Variants in PRDM16 observed in about 807,000 individuals in gnomAD.
The protein encoded by PRDM16 is PR/SET domain 16, also known as histone-lysine N-methyltransferase PRDM16.
A neutral mutation model predicts 110.6 loss-of-function variants in PRDM16; 23 were observed. That is an observed-to-expected ratio of 0.21 (90% CI 0.15 to 0.29). The LOEUF is 0.29. PRDM16 is among the 10% of genes least tolerant of loss of function. The pLI is 1.00. For missense variants in PRDM16, 1,615 were observed against 1,794.3 expected (o/e 0.90, Z 1.81); for synonymous variants, 799 against 781.8 (o/e 1.02, Z -0.37).
chr1:3,386,971 G>A (rs140143010), intron 4 of PRDM16: 15 of 151,076 alleles, frequency 9.9e-5, no homozygotes, highest in Admixed American at 2.0e-4. Flanking sequence ...AAAAACAAAC[G>A]TGTAATCTCA....
At chr1:3,211,025 CATTT>C (rs772107393) in intron 2 of PRDM16, among the ~76,000 whole-genome samples, 12 of 152,202 alleles carry the variant, frequency 7.9e-5, no homozygotes, top group Non-Finnish European at 1.3e-4. Context: ...TTTGTTCATA[CATTT>C]ATTAGTTTAG....
At chr1:3,296,649 T>C (rs947745788) in intron 3 of PRDM16, among the ~76,000 whole-genome samples, 4 of 152,104 alleles carry the variant, frequency 2.6e-5, no homozygotes, top group African/African-American at 9.7e-5. Context: ...ATGCCAGAGG[T>C]TGCCATGGGG....
intron 3 of PRDM16, among the ~76,000 whole-genome samples, chr1:3,320,063 G>T (rs1451364938): frequency 1.3e-5 from 2 of 152,194 alleles, no homozygotes; most frequent in African/African-American, 2.4e-5. Context: ...ACCAGGTGTG[G>T]CCTCTTGAAG....
intron 3 of PRDM16, among the ~76,000 whole-genome samples, chr1:3,273,905 G>T (rs888338170): frequency 7.2e-6 from 1 of 138,616 alleles, no homozygotes; most frequent in Admixed American, 7.2e-5. Context: ...GCGTGTGCAC[G>T]TGTGGCATGT....
intron 3 of PRDM16, among the ~76,000 whole-genome samples, chr1:3,250,116 T>TC (rs1415141800): frequency 6.8e-5 from 10 of 146,460 alleles, no homozygotes; most frequent in South Asian, 2.2e-4. Context: ...CCGTCTTCTC[T>TC]CCCCCCTCCC....
At chr1:3,088,084 C>G (rs1642190823) in intron 1 of PRDM16, among the ~76,000 whole-genome samples, 1 of 152,066 alleles carries the variant, frequency 6.6e-6, no homozygotes, top group African/African-American at 2.4e-5. Context: ...AAACTTCCAA[C>G]AGGATTGTCT....
In PRDM16 at chr1:3,244,951, G is replaced by A. The variant is rs1420727062; in HGVS notation, c.438+814G>A. On this transcript the variant is annotated intron_variant, in intron 3 of 16. Transcript: ENST00000270722. The surrounding 1 kb of genome is among the most constrained non-coding windows in gnomAD (Gnocchi z 4.1). ...TGGCTGATCTCCTATTTTTTGGGGG[G>A]GGGTTTCTAGTAAAATTAAAGTAAC... 2.0e-5 allele frequency among the ~76,000 whole-genome samples: 3 copies of A among 152,184 alleles called. No homozygotes were observed. Among genetic ancestry groups the A allele is most frequent in the Non-Finnish European group, 4.4e-5 (3 of 68,042 alleles).
chr1:3,118,755 C>T (rs1381315276), intron 1 of PRDM16, among the ~76,000 whole-genome samples: 1 of 152,124 alleles, frequency 6.6e-6, no homozygotes, highest in Non-Finnish European at 1.5e-5. Flanking sequence ...TCCAGGGAGA[C>T]CCCAGCTGCT....
chr1:3,145,694 C>T lies in PRDM16; in HGVS notation c.38-40431C>T, dbSNP rs184719452. Among the ~76,000 whole-genome samples the T allele has an allele frequency of 3.4e-3, 521 of 152,348 alleles. 4 individuals are homozygous for T. Among genetic ancestry groups the T allele is most frequent in the African/African-American group, 0.01 (434 of 41,582 alleles). On this transcript the variant is annotated intron_variant, in intron 1 of 16. Coordinates refer to ENST00000270722, the MANE Select transcript of PRDM16 (RefSeq NM_022114.4). ...TTCACTCACCCGCCCCACCCGCTCCCGGTCTCTCACTTCCACCCCTGTAGA... is the reference window on the plus strand; with the variant it reads ...TTCACTCACCCGCCCCACCCGCTCCTGGTCTCTCACTTCCACCCCTGTAGA...
chr1:3,202,671 T>C (rs1448026951), intron 2 of PRDM16, among the ~76,000 whole-genome samples: 1 of 152,284 alleles, frequency 6.6e-6, no homozygotes, highest in South Asian at 2.1e-4. Flanking sequence ...TCAGTAGCTT[T>C]GTGAGGTTTT....
intron 3 of PRDM16, among the ~76,000 whole-genome samples, chr1:3,314,041 C>T (rs1641532875): frequency 6.7e-6 from 1 of 149,976 alleles, no homozygotes; most frequent in Admixed American, 6.6e-5. Flanking sequence ...AGGCATGGGA[C>T]CCTCGCCCCC....
chr1:3,309,765 G>C (rs1374555646), intron 3 of PRDM16: 1 of 152,220 alleles, frequency 6.6e-6, no homozygotes, highest in East Asian at 1.9e-4. Flanking sequence ...GGGCTGCCCT[G>C]GGCTAGGAGC....
At position 3,353,001 on chromosome 1, in the gene PRDM16, C is replaced by A. The variant is rs963108983; in HGVS notation, c.439-32151C>A. 1.3e-5 allele frequency among the ~76,000 whole-genome samples: 2 copies of A among 152,222 alleles called. No individual in the cohort carries two copies. Among genetic ancestry groups the A allele is most frequent in the Admixed American group, 6.5e-5 (1 of 15,288 alleles). On this transcript the variant is annotated intron_variant, in intron 3 of 16. Transcript: ENST00000270722. This position sits in a 1 kb window ranked among gnomAD's most constrained non-coding sequence, Gnocchi z 5.4. ...TGCGTGGCCGGAGGCAGAGGGCTTC[C>A]CGGTTGGGCTGAGGGCTGTTTCAGA... is the stretch of plus-strand genomic sequence containing the variant.
chr1:3,334,729 C>T (rs2483276), intron 3 of PRDM16, among the ~76,000 whole-genome samples: 44,484 of 152,212 alleles, frequency 0.29, 7,871 homozygotes, highest in South Asian at 0.44. Flanking sequence ...GTCCTTCTCA[C>T]GGATCTCAGC....
chr1:3,409,497 G>A lies in PRDM16; in HGVS notation c.1187-1887G>A, dbSNP rs562397513. The stretch of plus-strand genomic sequence containing the variant: ...AATAGATATCGTGATGAAAGAACAC[G>A]ATCATCTTAGGGGAAAAGCTCCCAG... On this transcript the variant is annotated intron_variant, in intron 8 of 16. Coordinates refer to ENST00000270722, the MANE Select transcript of PRDM16 (RefSeq NM_022114.4). Among the ~76,000 whole-genome samples, 3 of 152,262 alleles carry A rather than the reference G, an allele frequency of 2.0e-5. No homozygotes were observed. The East Asian group carries it at 5.8e-4, about 29-fold the overall frequency.
chr1:3,365,234 C>A (rs1642788568), intron 3 of PRDM16, among the ~76,000 whole-genome samples: 1 of 152,190 alleles, frequency 6.6e-6, no homozygotes, highest in Non-Finnish European at 1.5e-5. Flanking sequence ...CCCTGTGCCG[C>A]CGTCCTCCTC....
chr1:3,199,810 C>T (rs1218104609), intron 2 of PRDM16, among the ~76,000 whole-genome samples: 2 of 152,192 alleles, frequency 1.3e-5, no homozygotes, highest in African/African-American at 4.8e-5. Flanking sequence ...CACATGGACA[C>T]GAGCACCATG....
At position 3,116,877 on chromosome 1, in the gene PRDM16, C is replaced by T. The variant is rs147412992; in HGVS notation, c.37+47581C>T. 5.0e-3 allele frequency among the ~76,000 whole-genome samples: 764 copies of T among 152,352 alleles called. 12 individuals are homozygous for T. Among genetic ancestry groups the T allele is most frequent in the African/African-American group, 0.016 (681 of 41,586 alleles). ...TCAGGCCCTCCACAAACCCCCGTGACTGGGCACTCCTTGCAGCACAGCCTG... is the reference window on the plus strand; with the variant it reads ...TCAGGCCCTCCACAAACCCCCGTGATTGGGCACTCCTTGCAGCACAGCCTG... On this transcript the variant is annotated intron_variant, in intron 1 of 16. Transcript: ENST00000270722.
chr1:3,259,651 A>T (rs1180131805), intron 3 of PRDM16, among the ~76,000 whole-genome samples: 1 of 152,198 alleles, frequency 6.6e-6, no homozygotes, highest in East Asian at 1.9e-4. Context: ...GAGGGGACCC[A>T]GTGAAGTGTT....
Sources: gnomAD v4.1 joint callset for allele counts (sites outside exome capture counted in the v4.1 genomes callset) on GRCh38, gnomAD v4.1.1 for gene constraint, Gnocchi (gnomAD v3.1) non-coding constraint, MANE v1.5 for transcripts, NCBI Gene and HGNC (gene_info 2026-07-23, HGNC 2026-07-21) for gene names.